The following RNF128 variants were observed in gnomAD, a reference collection of about 807,000 sequenced individuals.
RNF128 encodes the protein E3 ubiquitin-protein ligase RNF128.
In RNF128, 13 loss-of-function variants were observed where a neutral mutation model predicts 26.2. The ratio of observed to expected loss-of-function variants is 0.50; its 90% CI spans 0.32 to 0.79. The LOEUF is 0.79. RNF128 is among the 30% of genes least tolerant of loss of function. The pLI is 0.03. For synonymous variants in RNF128, 149 were observed against 142.5 expected (o/e 1.05, Z -0.32); for missense variants, 315 against 349.7 (o/e 0.90, Z 0.79).
intron 1 of RNF128, among the ~76,000 whole-genome samples, chrX:106,740,672 C>T (rs1198835771): frequency 9.0e-6 from 1 of 111,303 alleles, no homozygotes; most frequent in Non-Finnish European, 1.9e-5. Flanking sequence ...TGGGCTCAAG[C>T]ATTCCTCCCG....
At chrX:106,701,907 C>T (rs1455612020) in intron 1 of RNF128, among the ~76,000 whole-genome samples, 4 of 111,176 alleles carry the variant, frequency 3.6e-5, no homozygotes, top group Non-Finnish European at 7.6e-5. Flanking sequence ...AAGAATGACA[C>T]AGTTATTTAA....
At chrX:106,744,073 A>G (rs1349657141) in intron 1 of RNF128, among the ~76,000 whole-genome samples, 1 of 107,656 alleles carries the variant, frequency 9.3e-6, no homozygotes, top group Non-Finnish European at 1.9e-5. Context: ...TGGACACAGG[A>G]AGGGGGACAT....
chrX:106,698,790 A>G (rs1344553849), intron 1 of RNF128, among the ~76,000 whole-genome samples: 1 of 111,149 alleles, frequency 9.0e-6, no homozygotes, highest in Non-Finnish European at 1.9e-5. Flanking sequence ...GTGGCTTCCC[A>G]TGACACTCAG....
In RNF128 at chrX:106,726,799, C is replaced by A; in HGVS notation, c.-115C>A. 1 of 1,079,375 alleles carries A rather than the reference C, an allele frequency of 9.3e-7. No homozygotes were observed. The highest frequency in any genetic ancestry group is 1.9e-5 in the African/African-American group (1 of 52,982). 89.0% of individuals were successfully genotyped at this position (1,079,375 alleles called of 1,213,427 possible). On this transcript the variant is annotated 5_prime_UTR_variant, in exon 1 of 7. Transcript: ENST00000255499. Reference sequence around the variant, plus strand: ...TGGCTCCGACGTAGCTCGCAGCTCCCCAGTCTCACTCCATTCCTTCCCCAC... The same window carrying A: ...TGGCTCCGACGTAGCTCGCAGCTCCACAGTCTCACTCCATTCCTTCCCCAC...
At position 106,726,737 on chromosome X, in the gene RNF128, A is replaced by T. The variant is rs1033655776; in HGVS notation, c.-177A>T. 9.6e-7 allele frequency: 1 copy of T among 1,046,099 alleles called. No individual in the cohort carries two copies. 86.2% of individuals were successfully genotyped at this position (1,046,099 alleles called of 1,213,427 possible). On this transcript the variant is annotated 5_prime_UTR_variant, in exon 1 of 7. Coordinates refer to ENST00000255499, the MANE Select transcript of RNF128 (RefSeq NM_194463.2). Reference sequence around the variant, plus strand: ...GAAGACTGGAGCTCCGAGGAGCTGCATCTGCGGCAACCTGTGTGCTGACGC... The same window carrying T: ...GAAGACTGGAGCTCCGAGGAGCTGCTTCTGCGGCAACCTGTGTGCTGACGC...
chrX:106,756,394 G>C (rs1243461521), intron 1 of RNF128, among the ~76,000 whole-genome samples: 1 of 109,843 alleles, frequency 9.1e-6, no homozygotes, highest in Non-Finnish European at 1.9e-5. Flanking sequence ...CAGAGATATA[G>C]ATCAATGGAA....
chrX:106,715,784 G>A (rs1279236308), intron 1 of RNF128, among the ~76,000 whole-genome samples: 1 of 111,576 alleles, frequency 9.0e-6, no homozygotes, highest in Non-Finnish European at 1.9e-5. Context: ...TGTTTTAGGA[G>A]TCCAAGTTGT....
At chrX:106,791,881 T>C (rs771588664) in intron 6 of RNF128, among the ~76,000 whole-genome samples, 46 of 111,587 alleles carry the variant, frequency 4.1e-4, no homozygotes, top group Non-Finnish European at 7.2e-4. Flanking sequence ...TTATTTTCCC[T>C]TTCTTTTACC....
At chrX:106,784,124 A>G (rs766487646) in intron 2 of RNF128, among the ~76,000 whole-genome samples, 11 of 112,100 alleles carry the variant, frequency 9.8e-5, no homozygotes, top group African/African-American at 3.6e-4. Flanking sequence ...TGTATATTAT[A>G]TTCACTTGAG....
At chrX:106,750,249 T>C (rs768324230) in intron 1 of RNF128, among the ~76,000 whole-genome samples, 95 of 112,115 alleles carry the variant, frequency 8.5e-4, no homozygotes, top group Middle Eastern at 4.6e-3. Flanking sequence ...GAGAGCAGAT[T>C]TCTAAACATT....
intron 1 of RNF128, among the ~76,000 whole-genome samples, chrX:106,708,786 TGACAG>T (rs1175851934): frequency 8.9e-6 from 1 of 112,049 alleles, no homozygotes; most frequent in Non-Finnish European, 1.9e-5. Context: ...AAGGCCTACC[TGACAG>T]AAGTTTTCTT....
At chrX:106,713,200 TAA>T (rs763225428) in intron 1 of RNF128, among the ~76,000 whole-genome samples, 1 of 96,983 alleles carries the variant, frequency 1.0e-5, no homozygotes. Flanking sequence ...TGAAGTTAAT[TAA>T]AAAAAAAAAA....
At position 106,796,706 on chromosome X, in the gene RNF128, G is replaced by A. The variant is rs900958890; in HGVS notation, c.*993G>A. The stretch of plus-strand genomic sequence containing the variant: ...CATTTTCCTGGTGTTTGAAAAAGAA[G>A]GGGGGGAGAATTCCAGGTGCCTTAA... On this transcript the variant is annotated 3_prime_UTR_variant, in exon 7 of 7. Transcript: ENST00000255499. 2 of 111,317 alleles carry A rather than the reference G, an allele frequency of 1.8e-5. No homozygotes were observed. The highest frequency in any genetic ancestry group is 3.8e-5 in the Non-Finnish European group (2 of 52,870). 9.2% of individuals were successfully genotyped at this position (111,317 alleles called of 1,213,427 possible).
At chrX:106,732,453 T>G (rs1314205212) in intron 1 of RNF128, among the ~76,000 whole-genome samples, 2 of 112,043 alleles carry the variant, frequency 1.8e-5, no homozygotes, top group Admixed American at 9.5e-5. Context: ...CTGAATTGCC[T>G]TAAACACTCA....
chrX:106,754,446 C>T (rs932114810), intron 1 of RNF128, among the ~76,000 whole-genome samples: 3 of 51,444 alleles, frequency 5.8e-5, no homozygotes, highest in Non-Finnish European at 8.6e-5. Context: ...TTTTTTGTAG[C>T]GACAGGGTCT....
chrX:106,717,362 A>G lies in RNF128; in HGVS notation c.406+22954A>G, dbSNP rs750248715. Among the ~76,000 whole-genome samples the G allele has an allele frequency of 7.2e-4, 81 of 112,115 alleles. 1 individual carries two copies. Among genetic ancestry groups the G allele is most frequent in the African/African-American group, 2.6e-3 (79 of 30,936 alleles). ...AATCAATTAGAAGGCTATTTACAATAATCTAAAAAAAATTAATATCACTTC... is the reference window on the plus strand; with the variant it reads ...AATCAATTAGAAGGCTATTTACAATGATCTAAAAAAAATTAATATCACTTC... On this transcript the variant is annotated intron_variant, in intron 1 of 6. Coordinates refer to the RNF128 transcript ENST00000324342.
At chrX:106,776,905 A>G (rs1412034823) in intron 2 of RNF128, among the ~76,000 whole-genome samples, 3 of 111,775 alleles carry the variant, frequency 2.7e-5, no homozygotes, top group Non-Finnish European at 5.6e-5. Context: ...ATAAGTTGAG[A>G]CAAATGATTG....
intron 1 of RNF128, among the ~76,000 whole-genome samples, chrX:106,713,065 G>A (rs775595934): frequency 1.9e-5 from 2 of 108,064 alleles, no homozygotes; most frequent in African/African-American, 3.3e-5. Context: ...ATTTTTATTA[G>A]AGATGGGATT....
At chrX:106,783,192 C>A (rs1602390679) in intron 2 of RNF128, among the ~76,000 whole-genome samples, 1 of 111,476 alleles carries the variant, frequency 9.0e-6, no homozygotes, top group East Asian at 2.8e-4. Flanking sequence ...GGCTAATATT[C>A]TCCTTGGCAT....
Sources: gnomAD v4.1 joint callset for allele counts (sites outside exome capture counted in the v4.1 genomes callset) on GRCh38, gnomAD v4.1.1 for gene constraint, MANE v1.5 for transcripts, NCBI Gene and HGNC (gene_info 2026-07-23, HGNC 2026-07-21) for gene names.